STXBP2: variants seen among roughly 807,000 people sequenced by gnomAD.
STXBP2 encodes the protein syntaxin binding protein 2, also known as syntaxin-binding protein 2.
Under a neutral mutation model 72.2 loss-of-function variants are expected in STXBP2, and 47 were observed. That is an observed-to-expected ratio of 0.65 (90% confidence interval 0.51 to 0.83). The LOEUF is 0.83. Among genes scored for constraint, STXBP2 ranks in the 40% least tolerant of loss-of-function variants. The pLI, the probability that STXBP2 is intolerant of heterozygous loss-of-function variation, is 0.00. For missense variants in STXBP2, 702 were observed against 807.6 expected (o/e 0.87, Z 1.58); for synonymous variants, 367 against 338.7 (o/e 1.08, Z -0.92).
At chr19:7,647,591 C>T in intron 18 of STXBP2, 80 bp downstream of exon 18, 3 of 1,587,660 alleles carry the variant, frequency 1.9e-6, no homozygotes, top group Non-Finnish European at 2.6e-6. Flanking sequence ...GGTGTCTGGA[C>T]TCCAGAGTCC....
intron 4 of STXBP2, 123 bp downstream of exon 4, chr19:7,639,930 ATG>A (rs767951168): frequency 1.3e-4 from 55 of 411,578 alleles, no homozygotes; most frequent in South Asian, 5.3e-4. Flanking sequence ...GTCCATGTGT[ATG>A]TGTGTGCATG....
chr19:7,631,163 C>T, the STXBP2 span: 1 of 1,103,506 alleles, frequency 9.1e-7, no homozygotes, highest in Admixed American at 3.0e-5. Context: ...AGCCCAAGAT[C>T]ACGCCACTGC....
chr19:7,647,093 G>A (rs953187797), intron 16 of STXBP2, 69 bp from the exon 17 acceptor site: 325 of 1,543,956 alleles, frequency 2.1e-4, no homozygotes, highest in Non-Finnish European at 2.6e-4. Flanking sequence ...TGAATACCCC[G>A]TGGGGGGCAC....
chr19:7,637,138 C>A lies in STXBP2; in HGVS notation c.-12C>A. ...ACACACCCGGAAGCGGCGGCGGCGC[C>A]CCTCGGGGAAGATGGCGCCCTCGGG... On this transcript the variant is annotated 5_prime_UTR_variant, in exon 1 of 19. Transcript: ENST00000221283. 2 of 1,240,716 alleles carry A rather than the reference C, an allele frequency of 1.6e-6. No individual in the cohort carries two copies. The highest frequency in any genetic ancestry group is 2.0e-6 in the Non-Finnish European group (2 of 988,080). 76.9% of individuals were successfully genotyped at this position (1,240,716 alleles called of 1,614,324 possible). A position where few individuals can be genotyped will look rare whatever the true frequency, so the allele number is the denominator to read the frequency against.
chr19:7,631,436 TC>T, the STXBP2 span: 16 of 1,450,030 alleles, frequency 1.1e-5, no homozygotes, highest in South Asian at 6.2e-5. Flanking sequence ...TGTGTGCCCC[TC>T]CCCCCTTCCT....
Position 7,644,640 on chromosome 19 carries a change from G to C in STXBP2, c.1134G>C (p.Glu378Asp), listed in dbSNP as rs755758613. Reference sequence around the variant, plus strand: ...ACCTGGCCATGGGCTCCGACGCAGAGGGGGAGAAGATCAAGGACTCCATGA... The same window carrying C: ...ACCTGGCCATGGGCTCCGACGCAGACGGGGAGAAGATCAAGGACTCCATGA... ...EQDLAMGSDAEGEKIKDSMKL... is the reference protein window; with the variant it reads ...EQDLAMGSDADGEKIKDSMKL... Residue 378 changes from glutamate to aspartate, a missense_variant, in exon 14 of 19, where the codon GAG (glutamate) becomes GAC (aspartate). By Grantham distance (45) the Glu-to-Asp change is conservative. Transcript: ENST00000221283. The C allele has an allele frequency of 2.7e-5, 43 of 1,613,220 alleles. No individual in the cohort carries two copies. In the Admixed American group the frequency reaches 4.2e-4, roughly 16 times the overall value.
chr19:7,647,300 G>C lies in STXBP2; in HGVS notation c.1538+53G>C, dbSNP rs565094158. 2.7e-5 allele frequency: 44 copies of C among 1,611,608 alleles called. No homozygotes were observed. In the Admixed American group the frequency reaches 5.8e-4, roughly 21 times the overall value. On this transcript the variant is annotated intron_variant, in intron 17 of 18. Transcript: ENST00000221283. ...CGCCTGGGTCTGTGTTAGGTGGGCG[G>C]CCTGGCGGCGGTGAGGGCCTCCTGC...
chr19:7,640,582 G>T, intron 4 of STXBP2, 149 bp from the exon 5 acceptor site: 2 of 958,216 alleles, frequency 2.1e-6, no homozygotes, highest in Admixed American at 3.9e-5. Flanking sequence ...GCCCATGTGG[G>T]TGCGACACTA....
At chr19:7,644,806 G>A in intron 14 of STXBP2, 54 bp downstream of exon 14, 5 of 1,611,988 alleles carry the variant, frequency 3.1e-6, no homozygotes, top group Middle Eastern at 1.7e-4. Context: ...CGTCTCCCAC[G>A]ATCCTGGGAA....
chr19:7,632,790 C>T, upstream of STXBP2: 6 of 1,563,840 alleles, frequency 3.8e-6, no homozygotes, highest in Non-Finnish European at 5.2e-6. This position sits in a 1 kb window ranked among gnomAD's most constrained non-coding sequence, Gnocchi z 5.2. Flanking sequence ...CTGCACGTGG[C>T]TCAGCAGATT....
chr19:7,645,365 T>A (rs2032092768), intron 15 of STXBP2, 59 bp downstream of exon 15: 5 of 1,500,864 alleles, frequency 3.3e-6, no homozygotes, highest in Non-Finnish European at 4.5e-6. Flanking sequence ...CAGCCGGGGC[T>A]CTGCAAGGCA....
At position 7,642,567 on chromosome 19, in the gene STXBP2, C is replaced by CCCA. The variant is rs2031937606; in HGVS notation, c.902+32_902+33insCAC. ...TGCACACGGGGACCGGATCCCCCCC[C>CCCA]CACCGCCCACTGTGGGCCTGGTAGC... On this transcript the variant is annotated intron_variant, in intron 10 of 18. Transcript: ENST00000221283. The surrounding 1 kb of genome is among the most constrained non-coding windows in gnomAD (Gnocchi z 6.0). 2 of 1,609,152 alleles carry CCCA rather than the reference C, an allele frequency of 1.2e-6. No homozygotes were observed. The highest frequency in any genetic ancestry group is 2.7e-5 in the African/African-American group (2 of 74,844).
intron 15 of STXBP2, chr19:7,645,843 C>CTTCTCTCTGCCTTCCCCT (rs2032112010): frequency 2.8e-6 from 1 of 351,272 alleles, no homozygotes; most frequent in Non-Finnish European, 5.3e-6. Flanking sequence ...CTCTCTCACC[C>CTTCTCTCTGCCTTCCCCT]TTCTCTCTGC....
chr19:7,643,301 G>C, intron 13 of STXBP2, 56 bp downstream of exon 13: 1 of 1,573,974 alleles, frequency 6.4e-7, no homozygotes, highest in South Asian at 1.1e-5. Context: ...CGGGGTATTG[G>C]GGAGGGGCTG....
rs2031666956 is a variant in STXBP2, at chr19:7,638,713, C to T, written c.38-13C>T. 1 of 1,614,014 alleles carries T rather than the reference C, an allele frequency of 6.2e-7. No homozygotes were observed. The highest frequency in any genetic ancestry group is 1.1e-5 in the South Asian group (1 of 91,082). On this transcript the variant is annotated splice_polypyrimidine_tract_variant and intron_variant, in intron 1 of 18. Transcript: ENST00000221283. ...GAACCAGCATTCTGACCCCTCCCCT[C>T]CCTTCCCTGCAGAAATTCTGAGCGG...
chr19:7,643,481 G>T (rs2031980388), intron 13 of STXBP2, among the ~76,000 whole-genome samples: 1 of 152,126 alleles, frequency 6.6e-6, no homozygotes, highest in Admixed American at 6.5e-5. Context: ...GGTCAGACTT[G>T]GGTGAGGGGC....
At position 7,640,759 on chromosome 19, in the gene STXBP2, A is replaced by T. The variant is rs779265777; in HGVS notation, c.275A>T (p.Gln92Leu). ...GTTCAGGCCCTGATCAAAGACTTCCAGGGGACCCCGACTTTCACCTACAAA... is the reference window on the plus strand; with the variant it reads ...GTTCAGGCCCTGATCAAAGACTTCCTGGGGACCCCGACTTTCACCTACAAA... Reference protein sequence around the residue: ...KSVQALIKDFQGTPTFTYKAA... With the variant: ...KSVQALIKDFLGTPTFTYKAA... The change falls in exon 5 of 19, where the codon CAG (glutamine) becomes CTG (leucine). Residue 92 changes from glutamine to leucine, a missense_variant. Physicochemically the swap from Gln to Leu is moderately radical, Grantham distance 113. Coordinates refer to ENST00000221283, the MANE Select transcript of STXBP2 (RefSeq NM_006949.4). 2.4e-5 allele frequency: 38 copies of T among 1,614,184 alleles called. No homozygotes were observed. The highest frequency in any genetic ancestry group is 3.2e-5 in the Non-Finnish European group (38 of 1,180,010).
At chr19:7,631,711 T>TG in the STXBP2 span, 5 of 1,447,768 alleles carry the variant, frequency 3.5e-6, no homozygotes, top group African/African-American at 1.5e-5. Flanking sequence ...TGTCGGGGGC[T>TG]GGGGGCTGCT....
rs1237529379 is a variant in STXBP2, at chr19:7,642,513, C to T, written c.879C>T (p.His293=). 3 of 1,613,972 alleles carry T rather than the reference C, an allele frequency of 1.9e-6. No homozygotes were observed. Among genetic ancestry groups the T allele is most frequent in the Admixed American group, 3.3e-5 (2 of 60,006 alleles). ...ATGACTTGTGGGTGGAGCTTCGCCA[C>T]ATGCATATCGCAGATGTGTCCAAGT... ...EDDDLWVELR[H]MHIADVSKKV... is the part of the protein sequence containing the mutation. Residue 293 remains histidine, a synonymous_variant, in exon 10 of 19, where the codon CAC becomes CAT. Transcript: ENST00000221283. The surrounding 1 kb of genome is among the most constrained non-coding windows in gnomAD (Gnocchi z 6.0).
Sources: allele counts gnomAD v4.1 joint callset (sites outside exome capture counted in the v4.1 genomes callset), GRCh38; gene constraint gnomAD v4.1.1; non-coding constraint Gnocchi (gnomAD v3.1); transcripts MANE v1.5; gene names NCBI Gene and HGNC (gene_info 2026-07-23, HGNC 2026-07-21).